NDST4: variants seen among roughly 807,000 people sequenced by gnomAD.
NDST4 encodes N-heparan sulfate sulfotransferase 4.
Under a neutral mutation model 100.8 loss-of-function variants are expected in NDST4, and 63 were observed. The observed-to-expected ratio is 0.62, with a 90% CI of 0.51 to 0.77. The LOEUF (loss-of-function observed/expected upper bound fraction) is 0.77. NDST4 is among the 30% of genes least tolerant of loss of function. The pLI, the probability that NDST4 is intolerant of heterozygous loss-of-function variation, is 0.00. For synonymous variants in NDST4, 377 were observed against 361.8 expected (o/e 1.04, Z -0.48); for missense variants, 943 against 1,018.4 (o/e 0.93, Z 1.01).
intron 2 of NDST4, among the ~76,000 whole-genome samples, chr4:114,982,583 T>C (rs1483383079): frequency 6.6e-6 from 1 of 151,982 alleles, no homozygotes; most frequent in African/African-American, 2.4e-5. Flanking sequence ...TGGTCTGAAA[T>C]GGGAACTTAT....
At chr4:115,109,591 G>A (rs900088500) in intron 1 of NDST4, among the ~76,000 whole-genome samples, 1 of 151,702 alleles carries the variant, frequency 6.6e-6, no homozygotes, top group Non-Finnish European at 1.5e-5. Context: ...CAAAAGTCTC[G>A]CTTCTGTTTT....
intron 2 of NDST4, among the ~76,000 whole-genome samples, chr4:115,028,040 A>G (rs952777341): frequency 6.6e-6 from 1 of 151,864 alleles, no homozygotes; most frequent in Admixed American, 6.6e-5. Flanking sequence ...AGCCTGGGCA[A>G]TAAGAGTAAA....
At chr4:115,003,427 T>C (rs1052023924) in intron 2 of NDST4, among the ~76,000 whole-genome samples, 4 of 152,166 alleles carry the variant, frequency 2.6e-5, no homozygotes, top group Non-Finnish European at 5.9e-5. Context: ...TCTCTCACCA[T>C]GTTCCTAAAC....
intron 6 of NDST4, among the ~76,000 whole-genome samples, chr4:114,917,328 C>G (rs1476131138): frequency 6.6e-6 from 1 of 152,152 alleles, no homozygotes; most frequent in Non-Finnish European, 1.5e-5. Context: ...AGAAGGCCAA[C>G]TGTATACCTC....
At chr4:114,892,888 A>T (rs1560798701) in intron 6 of NDST4, among the ~76,000 whole-genome samples, 1 of 151,068 alleles carries the variant, frequency 6.6e-6, no homozygotes, top group Non-Finnish European at 1.5e-5. Flanking sequence ...TCATTCTCTA[A>T]GTTCCTTCCC....
chr4:114,902,239 A>G (rs187284600), intron 6 of NDST4, among the ~76,000 whole-genome samples: 2 of 152,140 alleles, frequency 1.3e-5, no homozygotes, highest in Non-Finnish European at 2.9e-5. Context: ...CTGTTTAAAA[A>G]AATTTTTTCG....
chr4:114,827,904 T>A lies in NDST4; in HGVS notation c.2531A>T (p.Asp844Val), dbSNP rs1226581494. ...CAGTTTGGATAGTTCCACATTATGA[T>A]CTCGGTAGTAATTAGAGAGGAACGT... is the stretch of plus-strand genomic sequence containing the variant. ...SRTFLSNYYRDHNVELSKLLH... is the reference protein window; with the variant it reads ...SRTFLSNYYRVHNVELSKLLH... Residue 844 changes from aspartate (D) to valine (V), a missense_variant, in exon 14 of 14, where the codon GAT becomes GTT. By Grantham distance (152) the Asp-to-Val change is radical (BLOSUM62 -3). Coordinates refer to ENST00000264363, the MANE Select transcript of NDST4 (RefSeq NM_022569.3). The A allele has an allele frequency of 6.2e-7, 1 of 1,610,576 alleles. No individual in the cohort carries two copies. Among genetic ancestry groups the A allele is most frequent in the Non-Finnish European group, 8.5e-7 (1 of 1,178,758 alleles).
At chr4:114,995,048 A>G (rs1457146426) in intron 2 of NDST4, among the ~76,000 whole-genome samples, 1 of 152,054 alleles carries the variant, frequency 6.6e-6, no homozygotes, top group East Asian at 1.9e-4. Context: ...AGACACTAAA[A>G]TGTGTGTTGA....
chr4:115,087,889 GA>G (rs2126293661), intron 1 of NDST4, among the ~76,000 whole-genome samples: 1 of 151,350 alleles, frequency 6.6e-6, no homozygotes, highest in South Asian at 2.1e-4. Flanking sequence ...TATAAATTTT[GA>G]AAACCCATAA....
intron 5 of NDST4, among the ~76,000 whole-genome samples, chr4:114,936,346 C>T (rs1725628099): frequency 6.6e-6 from 1 of 152,082 alleles, no homozygotes; most frequent in South Asian, 2.1e-4. Context: ...TAAAATAGAG[C>T]TTCATGACTA....
At chr4:114,872,069 G>T (rs1023809732) in intron 6 of NDST4, among the ~76,000 whole-genome samples, 5 of 151,876 alleles carry the variant, frequency 3.3e-5, no homozygotes, top group African/African-American at 1.2e-4. Flanking sequence ...TCTTGGTGTG[G>T]TTATTTGGAA....
intron 4 of NDST4, among the ~76,000 whole-genome samples, chr4:114,966,262 C>T (rs1726380217): frequency 6.6e-6 from 1 of 151,924 alleles, no homozygotes; most frequent in Non-Finnish European, 1.5e-5. Context: ...ACACATAACT[C>T]CCACATGCAT....
At chr4:115,006,851 A>G (rs1359951916) in intron 2 of NDST4, among the ~76,000 whole-genome samples, 1 of 152,092 alleles carries the variant, frequency 6.6e-6, no homozygotes, top group East Asian at 1.9e-4. Flanking sequence ...CTTAATGGTT[A>G]TGGTGTGAAT....
intron 2 of NDST4, among the ~76,000 whole-genome samples, chr4:114,980,343 T>C (rs2126245702): frequency 6.6e-6 from 1 of 152,298 alleles, no homozygotes; most frequent in African/African-American, 2.4e-5. Context: ...TAGTTTTGAA[T>C]ATGTGTAATA....
intron 13 of NDST4, among the ~76,000 whole-genome samples, chr4:114,829,149 C>A (rs1723142263): frequency 6.6e-6 from 1 of 152,006 alleles, no homozygotes; most frequent in Non-Finnish European, 1.5e-5. Flanking sequence ...CCCACCTTGC[C>A]ATAAGAGAAA....
intron 4 of NDST4, among the ~76,000 whole-genome samples, chr4:114,953,586 C>T (rs1323065851): frequency 6.6e-6 from 1 of 152,026 alleles, no homozygotes; most frequent in Non-Finnish European, 1.5e-5. Context: ...AAAACTTAGT[C>T]TTTGTGAATG....
At chr4:115,062,387 G>A (rs555322743) in intron 2 of NDST4, among the ~76,000 whole-genome samples, 1 of 151,958 alleles carries the variant, frequency 6.6e-6, no homozygotes, top group African/African-American at 2.4e-5. Flanking sequence ...GATCATTTTA[G>A]AAGATCTTTA....
At chr4:115,074,978 A>G (rs1470607613) in intron 2 of NDST4, among the ~76,000 whole-genome samples, 4 of 152,160 alleles carry the variant, frequency 2.6e-5, no homozygotes, top group African/African-American at 9.6e-5. Flanking sequence ...AGAGTACTGC[A>G]TCAAGATTGT....
At chr4:115,106,975 C>A (rs1291400387) in intron 1 of NDST4, among the ~76,000 whole-genome samples, 1 of 151,998 alleles carries the variant, frequency 6.6e-6, no homozygotes, top group Non-Finnish European at 1.5e-5. Flanking sequence ...GGCAACATGA[C>A]ACCCCATCTT....
Sources: allele counts gnomAD v4.1 joint callset (sites outside exome capture counted in the v4.1 genomes callset), GRCh38; gene constraint gnomAD v4.1.1; transcripts MANE v1.5; gene names NCBI Gene and HGNC (gene_info 2026-07-23, HGNC 2026-07-21).